Variants in GTF2I observed in about 807,000 individuals in gnomAD.
GTF2I encodes the protein general transcription factor II-I.
A neutral mutation model predicts 67.6 loss-of-function variants in GTF2I; 12 were observed. That is an observed-to-expected ratio of 0.18 (90% CI 0.11 to 0.29). The LOEUF (loss-of-function observed/expected upper bound fraction) is 0.29. GTF2I is among the 10% of genes least tolerant of loss of function. GTF2I has a pLI of 1.00. For synonymous variants in GTF2I, 149 were observed against 197.0 expected, an observed-to-expected ratio of 0.76 and a Z score of 2.04; for missense variants, 271 against 580.1, an observed-to-expected ratio of 0.47 and a Z score of 5.47.
At chr7:74,694,972 G>A (rs1359104385) in intron 3 of GTF2I, among the ~76,000 whole-genome samples, 2 of 152,310 alleles carry the variant, frequency 1.3e-5, no homozygotes, top group African/African-American at 4.8e-5. Flanking sequence ...CTGGATGACA[G>A]CACATCTCTT....
intron 12 of GTF2I, among the ~76,000 whole-genome samples, chr7:74,724,485 T>C (rs1384308711): frequency 2.6e-5 from 4 of 152,230 alleles, no homozygotes; most frequent in Non-Finnish European, 5.9e-5. Flanking sequence ...TATTCGTTAA[T>C]ATGTTGCAAA....
intron 7 of GTF2I, among the ~76,000 whole-genome samples, chr7:74,706,014 A>G (rs587614588): frequency 2.1e-4 from 32 of 151,912 alleles, no homozygotes; most frequent in African/African-American, 7.7e-4. Flanking sequence ...GTTCAGTGGC[A>G]TGATCTCAGC....
intron 6 of GTF2I, among the ~76,000 whole-genome samples, chr7:74,702,527 G>C (rs1554400142): frequency 6.6e-6 from 1 of 152,072 alleles, no homozygotes; most frequent in East Asian, 1.9e-4. Context: ...CTGCTACACT[G>C]AACTTTGAAG....
chr7:74,689,215 T>C lies in GTF2I; in HGVS notation c.87T>C (p.Ala29=). The change falls in exon 2 of 35, where the codon GCT becomes GCC. Residue 29 remains alanine (A), a synonymous_variant. Coordinates refer to ENST00000573035, the MANE Select transcript of GTF2I (RefSeq NM_032999.4). ...SRMVVTFLMS[A]LESMCKELAK... Reference sequence around the variant, plus strand: ...TGGTGGTGACATTCCTCATGTCAGCTCTCGAGTCCATGGTGAGGCCTTCTG... The same window carrying C: ...TGGTGGTGACATTCCTCATGTCAGCCCTCGAGTCCATGGTGAGGCCTTCTG... 7 of 1,592,926 alleles carry C rather than the reference T, an allele frequency of 4.4e-6. No individual in the cohort carries two copies. The highest frequency in any genetic ancestry group is 6.0e-6 in the Non-Finnish European group (7 of 1,161,206).
chr7:74,667,032 A>C (rs1805043984), intron 1 of GTF2I, among the ~76,000 whole-genome samples: 1 of 151,738 alleles, frequency 6.6e-6, no homozygotes, highest in Non-Finnish European at 1.5e-5. Context: ...GTAATCCCAG[A>C]CACTCGGGAG....
chr7:74,668,756 A>G (rs1364171092), intron 1 of GTF2I, among the ~76,000 whole-genome samples: 2 of 150,914 alleles, frequency 1.3e-5, no homozygotes, highest in Non-Finnish European at 3.0e-5. Context: ...GTATTTTTAG[A>G]AAAGATGGGG....
At chr7:74,676,951 C>T (rs1463466888) in intron 1 of GTF2I, among the ~76,000 whole-genome samples, 2 of 151,996 alleles carry the variant, frequency 1.3e-5, no homozygotes, top group African/African-American at 4.8e-5. Flanking sequence ...CCCAGCTACT[C>T]CGGAGATCCA....
chr7:74,687,190 CAA>C (rs1198853133), intron 1 of GTF2I, among the ~76,000 whole-genome samples: 1 of 151,570 alleles, frequency 6.6e-6, no homozygotes, highest in Non-Finnish European at 1.5e-5. Flanking sequence ...TGGGCCCAGC[CAA>C]GTGTCAATTA....
At chr7:74,732,334 A>G (rs1562983246) in intron 14 of GTF2I, 145 bp from the exon 15 acceptor site, 1 of 1,183,006 alleles carries the variant, frequency 8.5e-7, no homozygotes, top group Non-Finnish European at 1.1e-6. Context: ...AGATCACACC[A>G]CTGCACTGCA....
chr7:74,668,287 C>A (rs782550183), intron 1 of GTF2I, among the ~76,000 whole-genome samples: 2 of 140,300 alleles, frequency 1.4e-5, no homozygotes, highest in Non-Finnish European at 3.0e-5. Context: ...TTTAATCCTT[C>A]TTGTGGTTTT....
chr7:74,714,438 G>A (rs1792002560), intron 9 of GTF2I, among the ~76,000 whole-genome samples: 2 of 152,060 alleles, frequency 1.3e-5, no homozygotes, highest in African/African-American at 4.8e-5. Context: ...TTTTTCTTCA[G>A]TATGACAAAA....
chr7:74,689,138 G>T lies in GTF2I; in HGVS notation c.10G>T (p.Val4Phe). ...CTCCTGCACAGGGATCATGGCCCAA[G>T]TTGCAATGTCCACCCTCCCCGTTGA... MAQ[V>F]AMSTLPVEDE... The change falls in exon 2 of 35, where the codon GTT (valine) becomes TTT (phenylalanine). Residue 4 changes from valine (V) to phenylalanine (F), a missense_variant. By Grantham distance (50) the Val-to-Phe change is conservative. Transcript: ENST00000573035. 1 of 1,608,390 alleles carries T rather than the reference G, an allele frequency of 6.2e-7. No individual in the cohort carries two copies. Among genetic ancestry groups the T allele is most frequent in the Non-Finnish European group, 8.5e-7 (1 of 1,174,956 alleles).
chr7:74,672,262 G>A (rs907340180), intron 1 of GTF2I, among the ~76,000 whole-genome samples: 3 of 152,048 alleles, frequency 2.0e-5, no homozygotes, highest in Non-Finnish European at 4.4e-5. Flanking sequence ...CCTCTGGCCG[G>A]GCACGATGGC....
chr7:74,705,611 G>A (rs1422611678), intron 7 of GTF2I, among the ~76,000 whole-genome samples: 1 of 149,910 alleles, frequency 6.7e-6, no homozygotes, highest in East Asian at 2.0e-4. Context: ...ATGCTAGAGT[G>A]AAGTGGCGCG....
intron 1 of GTF2I, among the ~76,000 whole-genome samples, chr7:74,674,407 A>G (rs1202638459): frequency 3.9e-5 from 6 of 152,284 alleles, no homozygotes; most frequent in East Asian, 1.9e-4. Context: ...AAGAACAGCA[A>G]ATAAACAAAA....
chr7:74,721,275 A>G (rs1415350672), intron 12 of GTF2I, among the ~76,000 whole-genome samples: 5 of 152,206 alleles, frequency 3.3e-5, no homozygotes, highest in African/African-American at 1.2e-4. Context: ...TCCTGACCTC[A>G]GGTGATCTGC....
intron 1 of GTF2I, among the ~76,000 whole-genome samples, chr7:74,663,625 C>G (rs1554387465): frequency 6.6e-6 from 1 of 152,062 alleles, no homozygotes; most frequent in East Asian, 1.9e-4. Context: ...TTGTTAATAA[C>G]TGAAAGAAAG....
intron 2 of GTF2I, among the ~76,000 whole-genome samples, chr7:74,690,429 T>C (rs1788172280): frequency 6.6e-6 from 1 of 152,132 alleles, no homozygotes; most frequent in Non-Finnish European, 1.5e-5. Context: ...AGTCAGTAAA[T>C]ACTCTGCCCA....
In GTF2I at chr7:74,718,897, CT is replaced by C; in HGVS notation, c.901del (p.Ser301GlnfsTer11). Reference protein sequence around the residue: ...VPAEDSTQHVPSETSEDPEVE... With the variant: ...VPAEDSTQHVXSETSEDPEVE... ...TTTCAAGATTCTACTCAACATGTCC[CT>C]TCAGAAACAAGTGAGGACCCTGAAG... On this transcript the variant is annotated frameshift_variant, in exon 12 of 35. Coordinates refer to ENST00000573035, the MANE Select transcript of GTF2I (RefSeq NM_032999.4). LOFTEE classifies it high-confidence loss of function. The C allele has an allele frequency of 6.4e-7, 1 of 1,561,146 alleles. No homozygotes were observed. The highest frequency in any genetic ancestry group is 8.7e-7 in the Non-Finnish European group (1 of 1,145,212).
Sources: gnomAD v4.1 joint callset for allele counts (sites outside exome capture counted in the v4.1 genomes callset) on GRCh38, gnomAD v4.1.1 for gene constraint, MANE v1.5 for transcripts, NCBI Gene and HGNC (gene_info 2026-07-23, HGNC 2026-07-21) for gene names.